Variants in POLN observed in about 807,000 individuals in gnomAD.
The protein encoded by POLN is DNA polymerase nu, also known as DNA polymerase N.
POLN carries 108 observed loss-of-function variants against 113.5 expected under a neutral mutation model. The ratio of observed to expected loss-of-function variants is 0.95; its 90% CI spans 0.81 to 1.12. POLN has a LOEUF of 1.12. Ranked by LOEUF, POLN falls within the 50% of genes most tolerant of loss-of-function variation. POLN has a pLI of 0.00. For synonymous variants in POLN, 386 were observed against 391.5 expected, an observed-to-expected ratio of 0.99 and a Z score of 0.17; for missense variants, 1,097 against 1,077.1, an observed-to-expected ratio of 1.02 and a Z score of -0.26.
intron 13 of POLN, among the ~76,000 whole-genome samples, chr4:2,170,064 CA>C (rs1222279684): frequency 1.3e-5 from 2 of 152,220 alleles, no homozygotes; most frequent in African/African-American, 2.4e-5. Flanking sequence ...TCCTCTGTTA[CA>C]AAGTCGAATG....
At chr4:2,079,058 T>C (rs1730342652) in intron 23 of POLN, 1 of 351,696 alleles carries the variant, frequency 2.8e-6, no homozygotes, top group African/African-American at 2.2e-5. Flanking sequence ...GCCTCCTGAG[T>C]AGCTGGGACT....
intron 13 of POLN, among the ~76,000 whole-genome samples, chr4:2,168,477 A>G (rs1732782836): frequency 6.6e-6 from 1 of 152,268 alleles, no homozygotes; most frequent in East Asian, 1.9e-4. Context: ...AGTGAGGCTA[A>G]TATGATTTAT....
Position 2,240,127 on chromosome 4 carries a change from G to C in POLN, c.-13+1393C>G, listed in dbSNP as rs1204283791. 3 of 1,613,870 alleles carry C rather than the reference G, an allele frequency of 1.9e-6. No individual in the cohort carries two copies. The South Asian group carries it at 3.3e-5, about 18-fold the overall frequency. On this transcript the variant is annotated intron_variant, in intron 2 of 25. Coordinates refer to ENST00000511885, the MANE Select transcript of POLN (RefSeq NM_181808.4). ...CTTGCTTTTAAGTGAATTAACTGAT[G>C]TTGAGCACAAATGTATGCGAGCTGC... is the stretch of plus-strand genomic sequence containing the variant.
rs1731570968 is a variant in POLN, at chr4:2,126,046, G to C, written c.1982+2067C>G. ...CAGAGGACAGGAGAGAACGACAAGA[G>C]GATGCCCTGCATACTGGGTGGGAGG... On this transcript the variant is annotated intron_variant, in intron 19 of 25. Transcript: ENST00000511885. This position sits in a 1 kb window ranked among gnomAD's most constrained non-coding sequence, Gnocchi z 4.6. Among the ~76,000 whole-genome samples the C allele has an allele frequency of 6.6e-6, 1 of 152,184 alleles. No individual in the cohort carries two copies. The highest frequency in any genetic ancestry group is 6.5e-5 in the Admixed American group (1 of 15,280).
At chr4:2,195,560 T>C (rs904410007) in intron 6 of POLN, among the ~76,000 whole-genome samples, 11 of 151,394 alleles carry the variant, frequency 7.3e-5, no homozygotes, top group African/African-American at 2.4e-4. Context: ...CACAGCTCAC[T>C]GCAGGCTCAA....
intron 2 of POLN, chr4:2,240,509 T>C (rs1211955696): frequency 6.2e-7 from 1 of 1,613,826 alleles, no homozygotes; most frequent in Non-Finnish European, 8.5e-7. Context: ...GCTTCAGCTT[T>C]TTAGTGGCTT....
At chr4:2,186,522 G>A (rs1489997995) in intron 7 of POLN, among the ~76,000 whole-genome samples, 2 of 152,286 alleles carry the variant, frequency 1.3e-5, no homozygotes, top group African/African-American at 2.4e-5. Context: ...TGCTAGAGCC[G>A]AGGCACACCT....
intron 20 of POLN, among the ~76,000 whole-genome samples, chr4:2,092,312 A>G (rs1487662734): frequency 3.3e-5 from 5 of 152,234 alleles, no homozygotes; most frequent in African/African-American, 1.2e-4. Context: ...ATTTGACTCT[A>G]GGAGCCATAA....
Position 2,105,392 on chromosome 4 carries a change from T to C in POLN, c.1983-9459A>G, listed in dbSNP as rs183846531. Among the ~76,000 whole-genome samples the C allele has an allele frequency of 1.4e-3, 215 of 152,298 alleles. 1 individual carries two copies. Among genetic ancestry groups the C allele is most frequent in the Non-Finnish European group, 1.0e-3 (69 of 68,032 alleles). On this transcript the variant is annotated intron_variant, in intron 19 of 25. Coordinates refer to ENST00000511885, the MANE Select transcript of POLN (RefSeq NM_181808.4). ...CCATGCAATTTGAAAACTTCCTTGCTGAAAACCATCCAACAGGCATCCAGT... is the reference window on the plus strand; with the variant it reads ...CCATGCAATTTGAAAACTTCCTTGCCGAAAACCATCCAACAGGCATCCAGT...
chr4:2,075,492 C>T lies in POLN; in HGVS notation c.2415G>A (p.Leu805=). The T allele has an allele frequency of 6.2e-7, 1 of 1,613,562 alleles. No homozygotes were observed. The highest frequency in any genetic ancestry group is 1.1e-5 in the South Asian group (1 of 91,090). Residue 805 remains leucine (L), a synonymous_variant, in exon 24 of 26, where the codon CTG becomes CTA. Transcript: ENST00000511885. ...TCTGCGGATCTTCCACTTCAAACAGCAGCTCATCATGGATCTGGGCCACCA... is the reference window on the plus strand; with the variant it reads ...TCTGCGGATCTTCCACTTCAAACAGTAGCTCATCATGGATCTGGGCCACCA... ...ARLVAQIHDE[L]LFEVEDPQIP...
chr4:2,240,117 A>G (rs1194798184), intron 2 of POLN: 1 of 1,613,930 alleles, frequency 6.2e-7, no homozygotes, highest in Admixed American at 1.7e-5. Context: ...TTTTAAGTGA[A>G]TTAACTGATG....
Position 2,071,969 on chromosome 4 carries a change from G to A in POLN, c.*145C>T, listed in dbSNP as rs977136412. The A allele has an allele frequency of 1.1e-6, 1 of 904,612 alleles. No homozygotes were observed. Among genetic ancestry groups the A allele is most frequent in the Non-Finnish European group, 1.8e-6 (1 of 544,344 alleles). The allele number at this position is 904,612 out of a possible 1,614,324, so 56.0% of individuals were successfully genotyped here. On this transcript the variant is annotated 3_prime_UTR_variant, in exon 26 of 26. Coordinates refer to ENST00000511885, the MANE Select transcript of POLN (RefSeq NM_181808.4). This position sits in a 1 kb window ranked among gnomAD's most constrained non-coding sequence, Gnocchi z 5.2. ...CTCAGACAAGGATGAGGAGGGCTTT[G>A]CACAGGCATTTACTCCAGGGGATGG...
At chr4:2,230,190 G>C (rs917940202) in intron 2 of POLN, 1 of 152,362 alleles carries the variant, frequency 6.6e-6, no homozygotes, top group African/African-American at 2.4e-5. Context: ...ATCTACTCAG[G>C]AGGCTGAAGC....
chr4:2,190,690 A>AT (rs1025029960), intron 7 of POLN, among the ~76,000 whole-genome samples: 8 of 152,194 alleles, frequency 5.3e-5, no homozygotes, highest in African/African-American at 1.9e-4. Context: ...GGGGGAAAAC[A>AT]TGATTTAAAA....
chr4:2,129,803 C>T (rs1182001356), intron 17 of POLN, among the ~76,000 whole-genome samples: 4 of 152,072 alleles, frequency 2.6e-5, no homozygotes, highest in African/African-American at 7.2e-5. Flanking sequence ...AAAAGTCAAA[C>T]GTTGACAACC....
At chr4:2,112,530 A>C (rs1187320367) in intron 19 of POLN, among the ~76,000 whole-genome samples, 2 of 152,202 alleles carry the variant, frequency 1.3e-5, no homozygotes, top group African/African-American at 4.8e-5. Flanking sequence ...AACTCAAACA[A>C]ATTTACAAGG....
In POLN at chr4:2,085,500, C is replaced by A. The variant is rs567575827; in HGVS notation, c.2197+113G>T. Reference sequence around the variant, plus strand: ...AAGAGCTGAGGATTCACCCAGGCCCCCAAACCAACCTCAGGACCCAGGGCC... The same window carrying A: ...AAGAGCTGAGGATTCACCCAGGCCCACAAACCAACCTCAGGACCCAGGGCC... On this transcript the variant is annotated intron_variant, in intron 21 of 25. Transcript: ENST00000511885. 949 of 1,432,152 alleles carry A rather than the reference C, an allele frequency of 6.6e-4. 8 individuals are homozygous for A. The South Asian group carries it at 0.012, about 18-fold the overall frequency. The allele number at this position is 1,432,152 out of a possible 1,614,324, so 88.7% of individuals were successfully genotyped here.
chr4:2,213,989 A>G (rs1734054382), intron 3 of POLN, among the ~76,000 whole-genome samples: 1 of 152,208 alleles, frequency 6.6e-6, no homozygotes, highest in African/African-American at 2.4e-5. Context: ...TGATCCCAGC[A>G]CTTTGGGAGG....
intron 16 of POLN, among the ~76,000 whole-genome samples, chr4:2,141,629 A>C (rs1732004064): frequency 6.6e-6 from 1 of 152,160 alleles, no homozygotes; most frequent in African/African-American, 2.4e-5. Context: ...CTCTGGCGAC[A>C]CTGTTACCTC....
Sources: allele counts gnomAD v4.1 joint callset (sites outside exome capture counted in the v4.1 genomes callset), GRCh38; gene constraint gnomAD v4.1.1; non-coding constraint Gnocchi (gnomAD v3.1); transcripts MANE v1.5; gene names NCBI Gene and HGNC (gene_info 2026-07-23, HGNC 2026-07-21).